The following LARP1 variants were observed in gnomAD, a reference collection of about 807,000 sequenced individuals.
LARP1 encodes the protein la-related protein 1.
LARP1 carries 36 observed loss-of-function variants against 122.7 expected under a neutral mutation model. The ratio of observed to expected loss-of-function variants is 0.29; its 90% CI spans 0.22 to 0.39. The LOEUF is 0.39. Among genes scored for constraint, LARP1 ranks in the 10% least tolerant of loss-of-function variants. The pLI, the probability that LARP1 is intolerant of heterozygous loss-of-function variation, is 1.00. For missense variants in LARP1, 1,040 were observed against 1,403.6 expected (o/e 0.74, Z 4.14); for synonymous variants, 539 against 528.7 (o/e 1.02, Z -0.27).
chr5:154,790,525 G>A (rs970278919), intron 2 of LARP1, 120 bp from the exon 3 acceptor site: 1 of 1,301,308 alleles, frequency 7.7e-7, no homozygotes, highest in Non-Finnish European at 1.1e-6. Flanking sequence ...GGTATCCAGT[G>A]TGAATGGTCC....
In LARP1 at chr5:154,815,264, A is replaced by G. The variant is rs1300742129; in HGVS notation, c.*1168A>G. On this transcript the variant is annotated 3_prime_UTR_variant, in exon 19 of 19. Coordinates refer to ENST00000518297, the MANE Select transcript of LARP1 (RefSeq NM_033551.3). ...CGTCCTGTGTCTGTACACTGCTGCC[A>G]CTGTTGTGTCCTCGCTCTGCTTGCT... The G allele has an allele frequency of 6.6e-6, 1 of 152,278 alleles. No individual in the cohort carries two copies. The highest frequency in any genetic ancestry group is 2.4e-5 in the African/African-American group (1 of 41,286). 9.4% of individuals were successfully genotyped at this position (152,278 alleles called of 1,614,324 possible). A position where few individuals can be genotyped will look rare whatever the true frequency, so the allele number is the denominator to read the frequency against.
At chr5:154,691,756 C>A (rs1754224041) in intron 1 of LARP1, among the ~76,000 whole-genome samples, 1 of 151,906 alleles carries the variant, frequency 6.6e-6, no homozygotes, top group South Asian at 2.1e-4. Flanking sequence ...CCCATAGGGC[C>A]GCGGGTGAGC....
chr5:154,748,081 C>T (rs1335403099), intron 1 of LARP1, among the ~76,000 whole-genome samples: 1 of 152,162 alleles, frequency 6.6e-6, no homozygotes, highest in African/African-American at 2.4e-5. Context: ...AACTCCTGGC[C>T]TCAAGGGATT....
Position 154,770,350 on chromosome 5 carries a change from T to G in LARP1, c.436+14157T>G, listed in dbSNP as rs185381565. On this transcript the variant is annotated intron_variant, in intron 1 of 18. Transcript: ENST00000518297. Reference sequence around the variant, plus strand: ...TTCTCACACTGTCTAGAAGCTGAATTAGTTGCACTATCCCCTGATCAGAAG... The same window carrying G: ...TTCTCACACTGTCTAGAAGCTGAATGAGTTGCACTATCCCCTGATCAGAAG... Among the ~76,000 whole-genome samples the G allele has an allele frequency of 2.0e-5, 3 of 152,208 alleles. No individual in the cohort carries two copies. In the East Asian group the frequency reaches 5.8e-4, roughly 29 times the overall value.
rs1041406658 is a variant in LARP1, at chr5:154,691,363, A to G, written c.-180+8326A>G. ...CTATCTGACTGTGTGACCTTGGGCC[A>G]GTCGCTTCCCCTCTCTGGGCCGCGG... On this transcript the variant is annotated intron_variant, in intron 1 of 18. Transcript: ENST00000687700. 5.3e-5 allele frequency among the ~76,000 whole-genome samples: 8 copies of G among 152,074 alleles called. No individual in the cohort carries two copies. In the South Asian group the frequency reaches 8.3e-4, roughly 16 times the overall value.
chr5:154,683,426 C>T (rs1363795840), intron 1 of LARP1, among the ~76,000 whole-genome samples: 1 of 152,176 alleles, frequency 6.6e-6, no homozygotes, highest in Non-Finnish European at 1.5e-5. Flanking sequence ...ATCAGATTCC[C>T]AACTCAAAAA....
chr5:154,790,603 C>CAGG, intron 2 of LARP1, 42 bp from the exon 3 acceptor site: 1 of 1,603,968 alleles, frequency 6.2e-7, no homozygotes, highest in South Asian at 1.1e-5. Context: ...ATAGCAAAGA[C>CAGG]AGGGTCACTC....
At chr5:154,750,724 C>T (rs1753441033), upstream of LARP1, among the ~76,000 whole-genome samples, 1 of 152,208 alleles carries the variant, frequency 6.6e-6, no homozygotes, top group South Asian at 2.1e-4. Context: ...CCTTCCACCT[C>T]AGCCTCCTGA....
chr5:154,789,655 T>C (rs1393511103), intron 1 of LARP1, among the ~76,000 whole-genome samples: 1 of 152,246 alleles, frequency 6.6e-6, no homozygotes, highest in East Asian at 1.9e-4. Flanking sequence ...TTTCCATTTT[T>C]TGAAGTTATA....
intron 1 of LARP1, among the ~76,000 whole-genome samples, chr5:154,701,829 G>A (rs1295475744): frequency 1.3e-5 from 2 of 151,954 alleles, no homozygotes; most frequent in Non-Finnish European, 2.9e-5. Flanking sequence ...CACTATGTTG[G>A]CCAGGCTGGT....
rs550543716 is a variant in LARP1 at position 154,716,531 on chromosome 5, C to T, written c.205+3401C>T. Among the ~76,000 whole-genome samples the T allele has an allele frequency of 2.6e-3, 400 of 152,310 alleles. 1 individual carries two copies. Among genetic ancestry groups the T allele is most frequent in the African/African-American group, 9.2e-3 (382 of 41,558 alleles). ...TGGAGCCATCTCGGCTCACTGCAAC[C>T]TCCACATCCAGGGTTCAAGCGATCC... On this transcript the variant is annotated intron_variant, in intron 1 of 18. Coordinates refer to the LARP1 transcript ENST00000336314.
intron 7 of LARP1, 41 bp from the exon 8 acceptor site, chr5:154,795,132 TGC>T: frequency 1.3e-6 from 2 of 1,597,392 alleles, no homozygotes; most frequent in Non-Finnish European, 8.6e-7. Context: ...ATAAAACTGA[TGC>T]ACCAATCCCT....
chr5:154,811,189 C>T lies in LARP1; in HGVS notation c.2844-58C>T. 6.3e-6 allele frequency: 8 copies of T among 1,273,648 alleles called. No homozygotes were observed. The South Asian group carries it at 9.6e-5, about 15-fold the overall frequency. 78.9% of individuals were successfully genotyped at this position (1,273,648 alleles called of 1,614,324 possible). A position where few individuals can be genotyped will look rare whatever the true frequency, so the allele number is the denominator to read the frequency against. On this transcript the variant is annotated intron_variant, in intron 16 of 18. Coordinates refer to ENST00000518297, the MANE Select transcript of LARP1 (RefSeq NM_033551.3). ...TCATAGTTCCTCTGTTATGCAGGCA[C>T]ATTTCCCGTTTTACAGATGAAGAAA...
intron 1 of LARP1, among the ~76,000 whole-genome samples, chr5:154,689,444 C>CTT: frequency 6.6e-6 from 1 of 151,520 alleles, no homozygotes; most frequent in Non-Finnish European, 1.5e-5. Context: ...GTGTGAAACT[C>CTT]TGTCTCAAAA....
intron 1 of LARP1, among the ~76,000 whole-genome samples, chr5:154,757,915 C>T (rs1285398313): frequency 3.6e-5 from 5 of 139,242 alleles, no homozygotes; most frequent in Non-Finnish European, 6.2e-5. Context: ...CTCCCCTTCC[C>T]CCCTTTCCCT....
chr5:154,734,666 T>C (rs1360344930), intron 1 of LARP1, among the ~76,000 whole-genome samples: 1 of 152,178 alleles, frequency 6.6e-6, no homozygotes, highest in African/African-American at 2.4e-5. Flanking sequence ...ATTAAAAAAA[T>C]TCCTTTTCTG....
chr5:154,804,920 C>G, intron 14 of LARP1: 1 of 456,242 alleles, frequency 2.2e-6, no homozygotes, highest in South Asian at 1.5e-5. Context: ...GATCTTTGAA[C>G]AACGAAGGGC....
At chr5:154,746,289 G>A (rs1490579182) in intron 1 of LARP1, among the ~76,000 whole-genome samples, 1 of 152,198 alleles carries the variant, frequency 6.6e-6, no homozygotes, top group African/African-American at 2.4e-5. Context: ...TTGGAGCTTG[G>A]CTCCTGTGTT....
rs1758445536 is a variant in LARP1, at chr5:154,802,679, G to T, written c.2109+280G>T. 1.3e-5 allele frequency among the ~76,000 whole-genome samples: 2 copies of T among 152,042 alleles called. No individual in the cohort carries two copies. The stretch of plus-strand genomic sequence containing the variant: ...CTGACAGTTGGCTAGACACTTTTGT[G>T]GGGAACAGAAAAAGGGTTAGATTGT... On this transcript the variant is annotated intron_variant, in intron 11 of 18. Transcript: ENST00000518297. The surrounding 1 kb of genome is among the most constrained non-coding windows in gnomAD (Gnocchi z 5.1).
Sources: gnomAD v4.1 joint callset for allele counts (sites outside exome capture counted in the v4.1 genomes callset) on GRCh38, gnomAD v4.1.1 for gene constraint, Gnocchi (gnomAD v3.1) non-coding constraint, MANE v1.5 for transcripts, NCBI Gene and HGNC (gene_info 2026-07-23, HGNC 2026-07-21) for gene names.